Variants in DMD observed in about 807,000 individuals in gnomAD.
The protein encoded by DMD is mutant dystrophin.
Under a neutral mutation model 330.1 loss-of-function variants are expected in DMD, and 63 were observed. That is an observed-to-expected ratio of 0.19 (90% CI 0.16 to 0.24). The LOEUF (loss-of-function observed/expected upper bound fraction) is 0.24. Ranked by LOEUF, DMD falls within the 10% of genes least tolerant of loss-of-function variation. DMD has a pLI of 1.00. For missense variants in DMD, 3,344 were observed against 2,684.1 expected (o/e 1.25, Z -5.43); for synonymous variants, 1,223 against 959.8 (o/e 1.27, Z -5.07).
chrX:31,810,509 T>A lies in DMD; in HGVS notation c.7309+9466A>T, dbSNP rs1034431509. ...TGAAAAACTGTCAAGTATAGCAGAT[T>A]GGTAGAACTCCATCTGCTCTTCACT... On this transcript the variant is annotated intron_variant, in intron 50 of 78. Transcript: ENST00000357033. Among the ~76,000 whole-genome samples, 24 of 112,107 alleles carry A rather than the reference T, an allele frequency of 2.1e-4. No individual in the cohort carries two copies. In the East Asian group the frequency reaches 6.2e-3, roughly 29 times the overall value.
At chrX:31,353,643 G>T (rs1365025546) in intron 60 of DMD, among the ~76,000 whole-genome samples, 1 of 111,779 alleles carries the variant, frequency 8.9e-6, no homozygotes, top group African/African-American at 3.3e-5. Context: ...AATCAGAAAA[G>T]GAAGAAATAG....
intron 44 of DMD, among the ~76,000 whole-genome samples, chrX:32,178,970 CT>C (rs2096917271): frequency 9.6e-5 from 10 of 103,962 alleles, no homozygotes; most frequent in South Asian, 4.3e-4. Context: ...CTCTCTCTCT[CT>C]CTCTCTCTCT....
chrX:33,190,962 TATATAATATATA>T (rs1420895425), intron 1 of DMD, among the ~76,000 whole-genome samples: 6,949 of 9,459 alleles, frequency 0.73, 2,674 homozygotes, highest in East Asian at 0.87. Flanking sequence ...ATTATATATA[TATATAATATATA>T]ATATTATATA....
At chrX:32,974,378 G>T (rs2092477251) in intron 2 of DMD, among the ~76,000 whole-genome samples, 2 of 111,209 alleles carry the variant, frequency 1.8e-5, no homozygotes, top group South Asian at 7.5e-4. Context: ...GATGATAGTT[G>T]CATAGCTCTG....
intron 50 of DMD, among the ~76,000 whole-genome samples, chrX:31,797,576 G>A (rs1367764183): frequency 8.9e-6 from 1 of 112,043 alleles, no homozygotes; most frequent in African/African-American, 3.2e-5. Flanking sequence ...TAGGTAAAAT[G>A]TGCATAAAAA....
intron 52 of DMD, among the ~76,000 whole-genome samples, chrX:31,688,713 A>C (rs1327116034): frequency 9.0e-6 from 1 of 111,499 alleles, no homozygotes; most frequent in Non-Finnish European, 1.9e-5. Context: ...CGATGCAAAA[A>C]TCCTCAATAA....
chrX:32,937,458 G>A (rs1159263370), intron 2 of DMD, among the ~76,000 whole-genome samples: 3 of 106,273 alleles, frequency 2.8e-5, no homozygotes, highest in Non-Finnish European at 5.8e-5. Flanking sequence ...GAAAGGACAA[G>A]AGGGAAAGAA....
At chrX:32,358,832 C>T (rs192966210) in intron 37 of DMD, among the ~76,000 whole-genome samples, 3 of 111,363 alleles carry the variant, frequency 2.7e-5, no homozygotes, top group East Asian at 2.8e-4. Context: ...ATATACGTAA[C>T]GATGGAAATA....
chrX:32,431,372 G>A (rs937097800), intron 29 of DMD, among the ~76,000 whole-genome samples: 1 of 111,318 alleles, frequency 9.0e-6, no homozygotes, highest in East Asian at 2.8e-4. Flanking sequence ...GGTCTTCATT[G>A]AAGAAATGCC....
chrX:31,946,347 TAG>T (rs1569520220), intron 45 of DMD, among the ~76,000 whole-genome samples: 1 of 111,893 alleles, frequency 8.9e-6, no homozygotes, highest in Non-Finnish European at 1.9e-5. Context: ...GGCTAAAGTT[TAG>T]AGAGAAAAAT....
At chrX:32,280,725 C>G (rs17309296) in intron 43 of DMD, among the ~76,000 whole-genome samples, 13,037 of 111,575 alleles carry the variant, frequency 0.12, 762 homozygotes, top group Non-Finnish European at 0.16. Context: ...ATCTGTCCCT[C>G]TAGCTTCCAC....
At chrX:31,842,845 T>C (rs1310437162) in intron 48 of DMD, among the ~76,000 whole-genome samples, 1 of 111,497 alleles carries the variant, frequency 9.0e-6, no homozygotes, top group Non-Finnish European at 1.9e-5. Context: ...CCGTATCTAA[T>C]AGTTAGTTTT....
chrX:32,853,668 G>C (rs1377302617), intron 2 of DMD, among the ~76,000 whole-genome samples: 3 of 103,566 alleles, frequency 2.9e-5, no homozygotes, highest in Admixed American at 1.1e-4. Flanking sequence ...GGATGGAAGA[G>C]AAAGCCACAA....
intron 55 of DMD, among the ~76,000 whole-genome samples, chrX:31,599,887 T>C (rs1603417972): frequency 8.9e-6 from 1 of 111,801 alleles, no homozygotes; most frequent in African/African-American, 3.3e-5. Context: ...TAATCAACTA[T>C]GGTCATTTTT....
intron 6 of DMD, 117 bp downstream of exon 6, chrX:32,816,351 T>C: frequency 3.8e-6 from 3 of 782,436 alleles, no homozygotes; most frequent in South Asian, 2.2e-5. Context: ...ATGTGGTCAA[T>C]GTACATAACA....
At chrX:32,711,667 T>A (rs1253808950) in intron 7 of DMD, among the ~76,000 whole-genome samples, 1 of 112,007 alleles carries the variant, frequency 8.9e-6, no homozygotes, top group Non-Finnish European at 1.9e-5. Flanking sequence ...GCATTTAAAG[T>A]TAATAGTGAA....
intron 44 of DMD, among the ~76,000 whole-genome samples, chrX:31,989,652 GA>G (rs376229996): frequency 2.7e-5 from 3 of 110,315 alleles, no homozygotes; most frequent in Non-Finnish European, 5.7e-5. Context: ...CTAATACGGG[GA>G]AAAAAACATA....
chrX:32,773,686 T>G (rs986794804), intron 7 of DMD, among the ~76,000 whole-genome samples: 2 of 110,751 alleles, frequency 1.8e-5, no homozygotes, highest in Non-Finnish European at 3.8e-5. Flanking sequence ...CTGTGCCTGG[T>G]TGATTTCACT....
chrX:32,029,411 T>G (rs1277251325), intron 44 of DMD, among the ~76,000 whole-genome samples: 1 of 111,157 alleles, frequency 9.0e-6, no homozygotes, highest in Admixed American at 9.6e-5. Context: ...AGACATCTTA[T>G]TGCCTCAATT....
Sources: gnomAD v4.1 joint callset for allele counts (sites outside exome capture counted in the v4.1 genomes callset) on GRCh38, gnomAD v4.1.1 for gene constraint, MANE v1.5 for transcripts, NCBI Gene and HGNC (gene_info 2026-07-23, HGNC 2026-07-21) for gene names.